The following NOS1AP variants were observed in gnomAD, a reference collection of about 807,000 sequenced individuals.
The protein encoded by NOS1AP is nitric oxide synthase 1 adaptor protein.
NOS1AP carries 21 observed loss-of-function variants against 56.2 expected under a neutral mutation model. That is an observed-to-expected ratio of 0.37 (90% CI 0.26 to 0.54). The LOEUF is 0.54. NOS1AP is among the 20% of genes least tolerant of loss of function. The pLI, the probability that NOS1AP is intolerant of heterozygous loss-of-function variation, is 0.84. For synonymous variants in NOS1AP, 270 were observed against 274.6 expected, an observed-to-expected ratio of 0.98 and a Z score of 0.17; for missense variants, 522 against 657.8, an observed-to-expected ratio of 0.79 and a Z score of 2.26.
chr1:162,330,174 C>A (rs549769744), intron 4 of NOS1AP, among the ~76,000 whole-genome samples: 52 of 152,288 alleles, frequency 3.4e-4, no homozygotes, highest in Admixed American at 8.5e-4. Flanking sequence ...AGAAGTTTTA[C>A]GTATGATGCT....
chr1:162,367,563 G>A lies in NOS1AP; in HGVS notation c.*96G>A, dbSNP rs1658141069. ...GGATGCCCAGTGAATGTGCACTGCC[G>A]AGGAGAATGCCAGCCAGGGCCCGGG... is the stretch of plus-strand genomic sequence containing the variant. On this transcript the variant is annotated 3_prime_UTR_variant, in exon 10 of 10. Transcript: ENST00000361897. The surrounding 1 kb of genome is among the most constrained non-coding windows in gnomAD (Gnocchi z 6.5). 1.5e-6 allele frequency: 2 copies of A among 1,345,318 alleles called. No homozygotes were observed. The highest frequency in any genetic ancestry group is 2.5e-4 in the Middle Eastern group (1 of 3,994). 83.3% of individuals were successfully genotyped at this position (1,345,318 alleles called of 1,614,324 possible).
At chr1:162,105,960 G>C (rs1647490846) in intron 1 of NOS1AP, among the ~76,000 whole-genome samples, 1 of 152,184 alleles carries the variant, frequency 6.6e-6, no homozygotes, top group African/African-American at 2.4e-5. Flanking sequence ...CCCTTCCTAG[G>C]GACATGCATG....
chr1:162,329,445 C>T lies in NOS1AP; in HGVS notation c.345-3572C>T, dbSNP rs114508866. Among the ~76,000 whole-genome samples the T allele has an allele frequency of 1.9e-3, 290 of 151,972 alleles. 4 individuals are homozygous for T. The highest frequency in any genetic ancestry group is 6.7e-3 in the African/African-American group (276 of 41,434). On this transcript the variant is annotated intron_variant, in intron 4 of 9. Transcript: ENST00000361897. ...TGAAGGGGGAATAAAACCTTATTAA[C>T]ATTATATGAACTACTTTGGTATCCT...
At position 162,261,513 on chromosome 1, in the gene NOS1AP, A is replaced by AAGAGAG. The variant is rs1557853869; in HGVS notation, c.178-25831_178-25830insAGAGAG. Reference sequence around the variant, plus strand: ...GAGAGAGAGAGAGAGAGAGAGAGAGAGAGAGAGAGAGAGAGAGAGAGAGAG... The same window carrying AAGAGAG: ...GAGAGAGAGAGAGAGAGAGAGAGAGAAGAGAGGAGAGAGAGAGAGAGAGAGAGAGAG... On this transcript the variant is annotated intron_variant, in intron 2 of 9. Transcript: ENST00000361897. 1.8e-4 allele frequency among the ~76,000 whole-genome samples: 4 copies of AAGAGAG among 21,644 alleles called. 1 individual carries two copies. The highest frequency in any genetic ancestry group is 6.3e-4 in the East Asian group (1 of 1,584). 14.2% of individuals were successfully genotyped at this position (21,644 alleles called of 152,430 possible). A position where few individuals can be genotyped will look rare whatever the true frequency, so the allele number is the denominator to read the frequency against.
At chr1:162,227,825 A>T (rs1366904766) in intron 2 of NOS1AP, among the ~76,000 whole-genome samples, 1 of 152,182 alleles carries the variant, frequency 6.6e-6, no homozygotes, top group Non-Finnish European at 1.5e-5. Context: ...TTCTGCACTC[A>T]TGGAAAACCA....
At chr1:162,341,846 G>A (rs753425458) in intron 5 of NOS1AP, among the ~76,000 whole-genome samples, 1 of 152,206 alleles carries the variant, frequency 6.6e-6, no homozygotes, top group Non-Finnish European at 1.5e-5. Flanking sequence ...CCTAAGCACA[G>A]CACAGCTTGG....
At chr1:162,086,261 G>A (rs544382213) in intron 1 of NOS1AP, among the ~76,000 whole-genome samples, 1 of 152,194 alleles carries the variant, frequency 6.6e-6, no homozygotes, top group East Asian at 1.9e-4. Flanking sequence ...GAGTGGTGGA[G>A]GGGGCAATAA....
At chr1:162,098,017 A>C (rs1408420806) in intron 1 of NOS1AP, among the ~76,000 whole-genome samples, 1 of 151,624 alleles carries the variant, frequency 6.6e-6, no homozygotes, top group African/African-American at 2.4e-5. Flanking sequence ...TAGTCCATGA[A>C]TATGGCTTTA....
intron 5 of NOS1AP, among the ~76,000 whole-genome samples, chr1:162,334,955 T>A (rs1005138505): frequency 2.0e-5 from 3 of 152,204 alleles, no homozygotes; most frequent in Admixed American, 6.5e-5. Flanking sequence ...AGGACCATTA[T>A]GTTATATTTG....
At chr1:162,081,774 A>ATATATATATATTTTTTTTTTTTTTTTTTT in intron 1 of NOS1AP, among the ~76,000 whole-genome samples, 1 of 44,054 alleles carries the variant, frequency 2.3e-5, no homozygotes, top group African/African-American at 7.7e-5. Flanking sequence ...ATATATATAT[A>ATATATATATATTTTTTTTTTTTTTTTTTT]TTTTTTTTTT....
chr1:162,145,521 G>T (rs1311268363), intron 1 of NOS1AP, among the ~76,000 whole-genome samples: 1 of 152,174 alleles, frequency 6.6e-6, no homozygotes, highest in Non-Finnish European at 1.5e-5. Flanking sequence ...TCCTGCTGCT[G>T]CAGTTAATGC....
At chr1:162,074,626 G>A (rs1364174785) in intron 1 of NOS1AP, among the ~76,000 whole-genome samples, 1 of 152,118 alleles carries the variant, frequency 6.6e-6, no homozygotes, top group East Asian at 1.9e-4. Context: ...CAAAACAAAC[G>A]ACCTCAAGAC....
intron 2 of NOS1AP, among the ~76,000 whole-genome samples, chr1:162,250,724 T>G (rs74505155): frequency 0.026 from 3,889 of 152,318 alleles, 70 homozygotes; most frequent in Non-Finnish European, 0.037. Context: ...TGTTACATTT[T>G]TTTAAACAAG....
chr1:162,103,675 A>G (rs941032290), intron 1 of NOS1AP, among the ~76,000 whole-genome samples: 5 of 152,196 alleles, frequency 3.3e-5, no homozygotes, highest in Non-Finnish European at 7.3e-5. Context: ...ACCCTTTACC[A>G]TGATGTAATT....
chr1:162,301,328 C>T (rs1408578368), intron 4 of NOS1AP, among the ~76,000 whole-genome samples: 1 of 152,146 alleles, frequency 6.6e-6, no homozygotes, highest in Non-Finnish European at 1.5e-5. Context: ...CCCCAGAAAA[C>T]CAGCTAGCCC....
At chr1:162,101,983 T>C (rs1647293553) in intron 1 of NOS1AP, among the ~76,000 whole-genome samples, 1 of 152,106 alleles carries the variant, frequency 6.6e-6, no homozygotes, top group Non-Finnish European at 1.5e-5. Context: ...CTACGTTGAA[T>C]AGGAGTGGTG....
chr1:162,255,490 A>ATTTTTTTTTTTTT lies in NOS1AP; in HGVS notation c.178-31831_178-31819dup, dbSNP rs35637289. 1.0e-3 allele frequency among the ~76,000 whole-genome samples: 62 copies of ATTTTTTTTTTTTT among 60,986 alleles called. 3 individuals carry two copies. The highest frequency in any genetic ancestry group is 1.8e-3 in the South Asian group (3 of 1,702). The allele number at this position is 60,986 out of a possible 152,430, so 40.0% of individuals were successfully genotyped here. A position where few individuals can be genotyped will look rare whatever the true frequency, so the allele number is the denominator to read the frequency against. ...ATGCATAGGTTATTTGCTGCTGCTG[A>ATTTTTTTTTTTTT]TTTTTTTTTTTTTTTTTTTTTTTTT... On this transcript the variant is annotated intron_variant, in intron 2 of 9. Coordinates refer to ENST00000361897, the MANE Select transcript of NOS1AP (RefSeq NM_014697.3).
chr1:162,261,532 G>GA lies in NOS1AP; in HGVS notation c.178-25811dup, dbSNP rs1240603433. On this transcript the variant is annotated intron_variant, in intron 2 of 9. Coordinates refer to ENST00000361897, the MANE Select transcript of NOS1AP (RefSeq NM_014697.3). The stretch of plus-strand genomic sequence containing the variant: ...AGAGAGAGAGAGAGAGAGAGAGAGA[G>GA]AGAGAGAGAGAGAGCAATGAAATGA... Among the ~76,000 whole-genome samples the GA allele has an allele frequency of 2.4e-4, 2 of 8,436 alleles. 1 individual carries two copies. Among genetic ancestry groups the GA allele is most frequent in the Non-Finnish European group, 1.2e-3 (2 of 1,720 alleles). The allele number at this position is 8,436 out of a possible 152,430, so 5.5% of individuals were successfully genotyped here. A position where few individuals can be genotyped will look rare whatever the true frequency, so the allele number is the denominator to read the frequency against.
intron 2 of NOS1AP, among the ~76,000 whole-genome samples, chr1:162,233,885 C>T (rs145414095): frequency 1.3e-5 from 2 of 152,314 alleles, no homozygotes; most frequent in African/African-American, 4.8e-5. Context: ...GGAGATCTGA[C>T]TCTGGCACCT....
Sources: allele counts gnomAD v4.1 joint callset (sites outside exome capture counted in the v4.1 genomes callset), GRCh38; gene constraint gnomAD v4.1.1; non-coding constraint Gnocchi (gnomAD v3.1); transcripts MANE v1.5; gene names NCBI Gene and HGNC (gene_info 2026-07-23, HGNC 2026-07-21).